The following SLC2A9 variants were observed in gnomAD, a reference collection of about 807,000 sequenced individuals.
SLC2A9 encodes the protein solute carrier family 2 member 9.
SLC2A9 carries 39 observed loss-of-function variants against 50.6 expected under a neutral mutation model. The ratio of observed to expected loss-of-function variants is 0.77; its 90% confidence interval spans 0.60 to 1.01. The LOEUF (loss-of-function observed/expected upper bound fraction) is 1.01. Ranked by LOEUF, SLC2A9 falls within the 50% of genes least tolerant of loss-of-function variation. The pLI, the probability that SLC2A9 is intolerant of heterozygous loss-of-function variation, is 0.00. For missense variants in SLC2A9, 686 were observed against 677.6 expected (o/e 1.01, Z -0.14); for synonymous variants, 324 against 276.9 (o/e 1.17, Z -1.69).
chr4:9,996,691 G>T, intron 3 of SLC2A9, 90 bp downstream of exon 3: 1 of 1,479,870 alleles, frequency 6.8e-7, no homozygotes, highest in Non-Finnish European at 9.3e-7. Context: ...TGCCTGAGTG[G>T]AGTTCTGTTG....
Position 9,845,423 on chromosome 4 carries a change from A to ATTTTTTTTTTTTT in SLC2A9, c.1292-10416_1292-10415insAAAAAAAAAAAAA, listed in dbSNP as rs1183351674. On this transcript the variant is annotated intron_variant, in intron 10 of 11. Coordinates refer to ENST00000264784, the MANE Select transcript of SLC2A9 (RefSeq NM_020041.3). ...TATTCCAATGGAACCACGATCATCA[A>ATTTTTTTTTTTTT]TTTCTTTTTTTTTTTTTTTTTTTTG... is the stretch of plus-strand genomic sequence containing the variant. 3.1e-4 allele frequency among the ~76,000 whole-genome samples: 40 copies of ATTTTTTTTTTTTT among 130,814 alleles called. 1 individual carries two copies. Among genetic ancestry groups the ATTTTTTTTTTTTT allele is most frequent in the African/African-American group, 1.2e-3 (38 of 31,648 alleles). The allele number at this position is 130,814 out of a possible 152,430, so 85.8% of individuals were successfully genotyped here.
rs541783205 is a variant in SLC2A9, at chr4:9,854,001, A to T, written c.1292-18993T>A. Among the ~76,000 whole-genome samples, 8 of 147,656 alleles carry T rather than the reference A, an allele frequency of 5.4e-5. No homozygotes were observed. In the East Asian group the frequency reaches 1.4e-3, roughly 25 times the overall value. On this transcript the variant is annotated intron_variant, in intron 10 of 11. Transcript: ENST00000264784. ...TCTGGGACACAGCTAAAACAGTGTT[A>T]AAAAAAAAAGTTCACAGTGCTAAAT...
intron 6 of SLC2A9, among the ~76,000 whole-genome samples, chr4:9,930,525 C>T (rs950636024): frequency 9.2e-5 from 14 of 152,256 alleles, no homozygotes; most frequent in East Asian, 5.8e-4. Context: ...CTCGGGGCAG[C>T]GCTTGCACTA....
chr4:9,908,505 C>T lies in SLC2A9; in HGVS notation c.1003-160G>A, dbSNP rs11490074. Among the ~76,000 whole-genome samples the T allele has an allele frequency of 3.6e-5, 3 of 84,162 alleles. No homozygotes were observed. In the Admixed American group the frequency reaches 3.8e-4, roughly 11 times the overall value. 55.2% of individuals were successfully genotyped at this position (84,162 alleles called of 152,430 possible). On this transcript the variant is annotated intron_variant, in intron 7 of 11. Transcript: ENST00000264784. ...TTTTCATTTTCATCCCACCTTCTCC[C>T]TTTCTTCATTACTTTTTTTCCTTAT... is the stretch of plus-strand genomic sequence containing the variant.
intron 7 of SLC2A9, among the ~76,000 whole-genome samples, chr4:9,909,004 C>T (rs1486578969): frequency 6.6e-6 from 1 of 152,138 alleles, no homozygotes; most frequent in South Asian, 2.1e-4. Context: ...CTGCCATTAA[C>T]CTCCATCGTA....
At chr4:9,793,389 G>T (rs956827831) in intron 3 of SLC2A9, among the ~76,000 whole-genome samples, 1 of 152,194 alleles carries the variant, frequency 6.6e-6, no homozygotes, top group African/African-American at 2.4e-5. Flanking sequence ...GTGCACCGTC[G>T]GTGGGGAGAA....
intron 1 of SLC2A9, chr4:10,028,927 C>T (rs750125406): frequency 1.3e-5 from 2 of 152,270 alleles, no homozygotes; most frequent in Non-Finnish European, 2.9e-5. Context: ...CAATCCCTTC[C>T]AGCCTTCAAA....
intron 6 of SLC2A9, among the ~76,000 whole-genome samples, chr4:9,931,008 A>G (rs1196017398): frequency 4.6e-5 from 7 of 152,130 alleles, no homozygotes; most frequent in Admixed American, 6.5e-5. Flanking sequence ...ATGGGGTGGG[A>G]GGGGACAGAG....
intron 3 of SLC2A9, among the ~76,000 whole-genome samples, chr4:9,808,037 C>T (rs1340629234): frequency 6.6e-6 from 1 of 152,234 alleles, no homozygotes; most frequent in African/African-American, 2.4e-5. Flanking sequence ...CCATAGATAA[C>T]ACTGCCATCG....
Position 9,948,370 on chromosome 4 carries a change from T to C in SLC2A9, c.682-6325A>G, listed in dbSNP as rs183313922. Among the ~76,000 whole-genome samples the C allele has an allele frequency of 3.3e-5, 5 of 152,298 alleles. No homozygotes were observed. The East Asian group carries it at 9.6e-4, about 29-fold the overall frequency. ...GGGTGCGGCTTAGGTGCTGGGGTTG[T>C]TCAAGCTCTCCAGGTGACTCTAATG... On this transcript the variant is annotated intron_variant, in intron 5 of 11. Coordinates refer to ENST00000264784, the MANE Select transcript of SLC2A9 (RefSeq NM_020041.3).
At chr4:9,845,342 T>A (rs1728789335) in intron 10 of SLC2A9, among the ~76,000 whole-genome samples, 1 of 149,182 alleles carries the variant, frequency 6.7e-6, no homozygotes, top group Non-Finnish European at 1.5e-5. Flanking sequence ...TATTTTTGAA[T>A]AAAAGAAATA....
intron 9 of SLC2A9, among the ~76,000 whole-genome samples, chr4:9,888,266 T>C (rs970676253): frequency 3.6e-5 from 4 of 111,612 alleles, no homozygotes; most frequent in African/African-American, 2.1e-4. Flanking sequence ...TTAAAGTATA[T>C]ATATACATAT....
intron 6 of SLC2A9, among the ~76,000 whole-genome samples, chr4:9,926,779 GT>G (rs1744976859): frequency 6.6e-6 from 1 of 152,130 alleles, no homozygotes; most frequent in Non-Finnish European, 1.5e-5. Flanking sequence ...AAGTCATACT[GT>G]AGGAGGATGG....
intron 3 of SLC2A9, among the ~76,000 whole-genome samples, chr4:9,807,263 C>A (rs1722248642): frequency 6.6e-6 from 1 of 152,168 alleles, no homozygotes; most frequent in South Asian, 2.1e-4. Flanking sequence ...TGGCACACAC[C>A]ATGCTGTGTC....
intron 5 of SLC2A9, among the ~76,000 whole-genome samples, chr4:9,964,269 A>G (rs1474788508): frequency 3.3e-5 from 5 of 151,984 alleles, no homozygotes; most frequent in Non-Finnish European, 7.4e-5. Context: ...TGCATTTCTA[A>G]CAAGTGCCTT....
At chr4:9,812,331 T>A (rs1381328179) in intron 3 of SLC2A9, among the ~76,000 whole-genome samples, 1 of 152,180 alleles carries the variant, frequency 6.6e-6, no homozygotes, top group East Asian at 1.9e-4. Flanking sequence ...TATCCAGTGT[T>A]CCCAACTTCC....
downstream of SLC2A9, among the ~76,000 whole-genome samples, chr4:9,774,961 C>A (rs539901034): frequency 1.3e-5 from 2 of 151,948 alleles, no homozygotes; most frequent in South Asian, 2.1e-4. Context: ...CTCTCTCCAG[C>A]ATCTACACAT....
At chr4:9,859,192 T>C (rs1206014188) in intron 10 of SLC2A9, among the ~76,000 whole-genome samples, 3 of 152,228 alleles carry the variant, frequency 2.0e-5, no homozygotes, top group African/African-American at 7.2e-5. Flanking sequence ...CAATTCTCCT[T>C]AATAAACTTG....
intron 11 of SLC2A9, among the ~76,000 whole-genome samples, chr4:9,829,518 G>A (rs1380631535): frequency 2.0e-5 from 3 of 150,118 alleles, no homozygotes; most frequent in African/African-American, 7.3e-5. Context: ...TTGACGAATG[G>A]GATCTAATTA....
Sources: gnomAD v4.1 joint callset for allele counts (sites outside exome capture counted in the v4.1 genomes callset) on GRCh38, gnomAD v4.1.1 for gene constraint, MANE v1.5 for transcripts, NCBI Gene and HGNC (gene_info 2026-07-23, HGNC 2026-07-21) for gene names.